Variants in KPNA1 observed in about 807,000 individuals in gnomAD.
KPNA1 encodes the protein karyopherin subunit alpha 1.
In KPNA1, 10 loss-of-function variants were observed where a neutral mutation model predicts 70.5. The ratio of observed to expected loss-of-function variants is 0.14; its 90% CI spans 0.09 to 0.24. The LOEUF (loss-of-function observed/expected upper bound fraction) is 0.24. Ranked by LOEUF, KPNA1 falls within the 10% of genes least tolerant of loss-of-function variation. The pLI is 1.00. For synonymous variants in KPNA1, 192 were observed against 221.9 expected (o/e 0.87, Z 1.20); for missense variants, 397 against 637.9 (o/e 0.62, Z 4.07).
At chr3:122,441,088 A>G (rs1008547358) in intron 10 of KPNA1, among the ~76,000 whole-genome samples, 7 of 152,240 alleles carry the variant, frequency 4.6e-5, no homozygotes, top group African/African-American at 1.7e-4. Flanking sequence ...AAGGGTAATC[A>G]CTGACATTAT....
chr3:122,499,133 G>A (rs570137493), intron 1 of KPNA1, among the ~76,000 whole-genome samples: 8 of 125,966 alleles, frequency 6.4e-5, no homozygotes, highest in East Asian at 5.7e-4. Context: ...ACATCATGTC[G>A]TCTACAATAT....
At chr3:122,509,858 G>A (rs907719552) in intron 1 of KPNA1, among the ~76,000 whole-genome samples, 1 of 152,018 alleles carries the variant, frequency 6.6e-6, no homozygotes, top group Non-Finnish European at 1.5e-5. Flanking sequence ...AGAACTAAAG[G>A]ACATGAACTC....
chr3:122,511,859 T>A (rs903804982), intron 1 of KPNA1, among the ~76,000 whole-genome samples: 3 of 152,222 alleles, frequency 2.0e-5, no homozygotes, highest in Non-Finnish European at 4.4e-5. Flanking sequence ...AAAAACAATC[T>A]GGTAGACTTA....
chr3:122,436,764 T>C (rs1376917341), intron 11 of KPNA1, among the ~76,000 whole-genome samples: 3 of 152,212 alleles, frequency 2.0e-5, no homozygotes, highest in Non-Finnish European at 2.9e-5. Context: ...TTCAAAGCAA[T>C]AATGAAAACG....
intron 6 of KPNA1, 103 bp from the exon 7 acceptor site, chr3:122,452,167 TGA>T (rs1244779328): frequency 1.4e-5 from 11 of 786,708 alleles, no homozygotes; most frequent in Non-Finnish European, 2.5e-5. Context: ...GGGAGTCAAA[TGA>T]AACAGTTGTA....
intron 12 of KPNA1, among the ~76,000 whole-genome samples, chr3:122,431,453 G>A (rs531548037): frequency 5.3e-5 from 8 of 152,228 alleles, no homozygotes; most frequent in East Asian, 1.9e-4. Flanking sequence ...CACCACACCC[G>A]GCCAAGATAT....
At chr3:122,470,591 A>G (rs912010756) in intron 2 of KPNA1, among the ~76,000 whole-genome samples, 8 of 152,052 alleles carry the variant, frequency 5.3e-5, no homozygotes, top group African/African-American at 1.9e-4. Flanking sequence ...CAGCAATGAT[A>G]CAAGGAATGG....
At chr3:122,493,282 A>T (rs1340206839) in intron 2 of KPNA1, among the ~76,000 whole-genome samples, 3 of 152,202 alleles carry the variant, frequency 2.0e-5, no homozygotes, top group African/African-American at 7.2e-5. Context: ...CATACAGATT[A>T]AAAATAGTAG....
intron 5 of KPNA1, among the ~76,000 whole-genome samples, chr3:122,457,443 C>A (rs187303734): frequency 5.7e-4 from 87 of 152,140 alleles, no homozygotes; most frequent in Admixed American, 1.6e-3. Context: ...CAAATGGTGG[C>A]CAAATAAAAT....
At chr3:122,452,486 G>A (rs1449503585) in intron 6 of KPNA1, among the ~76,000 whole-genome samples, 4 of 142,530 alleles carry the variant, frequency 2.8e-5, no homozygotes, top group African/African-American at 1.0e-4. Flanking sequence ...TCCAGCCTGG[G>A]TGACAGGGAC....
intron 10 of KPNA1, among the ~76,000 whole-genome samples, chr3:122,437,916 A>T (rs1428280864): frequency 6.6e-6 from 1 of 152,274 alleles, no homozygotes; most frequent in Non-Finnish European, 1.5e-5. Context: ...AAACAAATGC[A>T]GCTATTTATA....
chr3:122,500,719 G>A (rs1236478757), intron 1 of KPNA1, among the ~76,000 whole-genome samples: 3 of 151,950 alleles, frequency 2.0e-5, no homozygotes, highest in Non-Finnish European at 2.9e-5. Context: ...TGGGCAACTG[G>A]TCTCGAACTC....
intron 1 of KPNA1, among the ~76,000 whole-genome samples, chr3:122,510,502 A>G (rs2076943268): frequency 6.6e-6 from 1 of 152,222 alleles, no homozygotes; most frequent in Non-Finnish European, 1.5e-5. Flanking sequence ...AGTACTCTAC[A>G]TGGGTCAGCT....
At chr3:122,510,706 T>C (rs1241493089) in intron 1 of KPNA1, among the ~76,000 whole-genome samples, 3 of 152,106 alleles carry the variant, frequency 2.0e-5, no homozygotes, top group Non-Finnish European at 2.9e-5. Context: ...TATCATGATA[T>C]AGCAATAAAA....
intron 6 of KPNA1, among the ~76,000 whole-genome samples, chr3:122,453,008 G>A (rs898121367): frequency 5.3e-5 from 8 of 152,118 alleles, no homozygotes. Context: ...GTGCGGTGGT[G>A]TGATATCGGC....
intron 5 of KPNA1, among the ~76,000 whole-genome samples, chr3:122,455,036 GA>G (rs934796377): frequency 6.6e-6 from 1 of 151,900 alleles, no homozygotes; most frequent in African/African-American, 2.4e-5. Flanking sequence ...CACATACACA[GA>G]AAAAAAGAAA....
chr3:122,514,310 T>C (rs1196891754), intron 1 of KPNA1, among the ~76,000 whole-genome samples: 1 of 151,910 alleles, frequency 6.6e-6, no homozygotes, highest in Non-Finnish European at 1.5e-5. Flanking sequence ...GGGTTAGAAT[T>C]TTTACACGCC....
Position 122,437,836 on chromosome 3 carries a change from A to C in KPNA1, c.997-541T>G, listed in dbSNP as rs375775462. ...CTCTACTAGAAACTAAAATAATATA[A>C]GTTTGATTAAAATAGTATATGGCAG... On this transcript the variant is annotated intron_variant, in intron 10 of 13. Coordinates refer to ENST00000344337, the MANE Select transcript of KPNA1 (RefSeq NM_002264.4). Among the ~76,000 whole-genome samples the C allele has an allele frequency of 2.9e-3, 430 of 150,840 alleles. 1 individual carries two copies. The highest frequency in any genetic ancestry group is 9.9e-3 in the African/African-American group (408 of 41,140).
intron 5 of KPNA1, chr3:122,460,365 C>A (rs1249446506): frequency 2.1e-6 from 2 of 973,478 alleles, no homozygotes; most frequent in East Asian, 2.3e-4. Context: ...TGGCTGGGAG[C>A]AGTGGCTCAC....
Sources: gnomAD v4.1 joint callset for allele counts (sites outside exome capture counted in the v4.1 genomes callset) on GRCh38, gnomAD v4.1.1 for gene constraint, MANE v1.5 for transcripts, NCBI Gene and HGNC (gene_info 2026-07-23, HGNC 2026-07-21) for gene names.